Variants in SPATA13 observed in about 807,000 individuals in gnomAD.
SPATA13 encodes spermatogenesis-associated protein 13.
Under a neutral mutation model 104.0 loss-of-function variants are expected in SPATA13, and 50 were observed. The ratio of observed to expected loss-of-function variants is 0.48; its 90% CI spans 0.38 to 0.61. The LOEUF (loss-of-function observed/expected upper bound fraction) is 0.61, where lower values mean the gene tolerates loss of function less well. SPATA13 is among the 20% of genes least tolerant of loss of function. The pLI, the probability that SPATA13 is intolerant of heterozygous loss-of-function variation, is 0.00. For synonymous variants in SPATA13, 606 were observed against 667.5 expected (o/e 0.91, Z 1.42); for missense variants, 1,524 against 1,690.6 (o/e 0.90, Z 1.73).
At chr13:24,158,565 C>T (rs1882331412), upstream of SPATA13, among the ~76,000 whole-genome samples, 1 of 152,224 alleles carries the variant, frequency 6.6e-6, no homozygotes, top group Non-Finnish European at 1.5e-5. Context: ...TGAATTTTCT[C>T]TTGAGCCATC....
intron 3 of SPATA13, among the ~76,000 whole-genome samples, chr13:24,019,229 C>T (rs1876859882): frequency 6.7e-6 from 1 of 150,294 alleles, no homozygotes; most frequent in African/African-American, 2.4e-5. Flanking sequence ...GCTGGGACTA[C>T]AGGCGCCCGC....
At chr13:24,176,916 A>T (rs1271954956) in intron 1 of SPATA13, among the ~76,000 whole-genome samples, 1 of 152,098 alleles carries the variant, frequency 6.6e-6, no homozygotes, top group Non-Finnish European at 1.5e-5. Flanking sequence ...GACGTGTGCC[A>T]CCACGCGCAG....
intron 1 of SPATA13, among the ~76,000 whole-genome samples, chr13:24,170,488 A>T (rs529779823): frequency 2.7e-4 from 41 of 152,336 alleles, no homozygotes; most frequent in South Asian, 2.3e-3. Flanking sequence ...TAAATGAAGA[A>T]GGAATTGTCT....
chr13:24,054,359 G>T (rs541799303), intron 3 of SPATA13, among the ~76,000 whole-genome samples: 1 of 152,222 alleles, frequency 6.6e-6, no homozygotes, highest in Non-Finnish European at 1.5e-5. Flanking sequence ...CTCTGTCCAA[G>T]TATCCAAGTG....
At chr13:24,071,538 C>T (rs1020042572) in intron 3 of SPATA13, among the ~76,000 whole-genome samples, 3 of 152,186 alleles carry the variant, frequency 2.0e-5, no homozygotes, top group African/African-American at 7.2e-5. Context: ...TCAATCGCTT[C>T]TGTCTGGTGG....
intron 4 of SPATA13, among the ~76,000 whole-genome samples, chr13:24,282,388 G>A (rs1875610426): frequency 6.6e-6 from 1 of 152,200 alleles, no homozygotes. Flanking sequence ...AGCCCATGGA[G>A]CACCATCCCA....
chr13:24,134,339 G>C lies in SPATA13; in HGVS notation c.-111-88480G>C, dbSNP rs147198946. ...TAAGCCCTGGCCCCCTTCCCAGTGA[G>C]TAGTTATCCTCTGGAAGATTCTGGT... is the stretch of plus-strand genomic sequence containing the variant. On this transcript the variant is annotated intron_variant, in intron 3 of 14. Coordinates refer to the SPATA13 transcript ENST00000424834. 4.7e-4 allele frequency among the ~76,000 whole-genome samples: 71 copies of C among 152,292 alleles called. 1 individual carries two copies. In the East Asian group the frequency reaches 0.013, roughly 29 times the overall value.
intron 3 of SPATA13, among the ~76,000 whole-genome samples, chr13:24,099,603 G>T (rs572549414): frequency 1.9e-4 from 29 of 152,290 alleles, no homozygotes; most frequent in Admixed American, 1.4e-3. Flanking sequence ...GTCCCGGGGA[G>T]GGCCCACAGC....
intron 3 of SPATA13, among the ~76,000 whole-genome samples, chr13:24,085,028 C>A (rs895853933): frequency 6.6e-6 from 1 of 152,146 alleles, no homozygotes; most frequent in Non-Finnish European, 1.5e-5. Flanking sequence ...CCTGTGTGTT[C>A]GCAGTCGCCT....
At chr13:24,207,614 A>G (rs564451924) in intron 1 of SPATA13, among the ~76,000 whole-genome samples, 263 of 152,328 alleles carry the variant, frequency 1.7e-3, no homozygotes, top group Non-Finnish European at 3.1e-3. Context: ...TTAAGGTAAC[A>G]GGCTTCTAAA....
At chr13:24,071,870 C>G (rs17352099) in intron 3 of SPATA13, among the ~76,000 whole-genome samples, 11,815 of 152,194 alleles carry the variant, frequency 0.078, 637 homozygotes, top group East Asian at 0.15. Context: ...CAAGATGATT[C>G]TCCCCGTGTG....
chr13:24,023,974 CA>C (rs374278701), intron 3 of SPATA13, among the ~76,000 whole-genome samples: 155 of 152,312 alleles, frequency 1.0e-3, no homozygotes, highest in African/African-American at 3.5e-3. Context: ...AGTCAGTTCA[CA>C]GCAAAATCCT....
chr13:24,040,496 T>C (rs1371639765), intron 3 of SPATA13, among the ~76,000 whole-genome samples: 2 of 152,192 alleles, frequency 1.3e-5, no homozygotes, highest in Non-Finnish European at 2.9e-5. Flanking sequence ...TTTTGTGTTC[T>C]ACAGACACAC....
intron 3 of SPATA13, among the ~76,000 whole-genome samples, chr13:24,107,272 C>T (rs1440211999): frequency 1.6e-5 from 2 of 126,296 alleles, no homozygotes; most frequent in African/African-American, 2.9e-5. Context: ...AAAGCTCAAG[C>T]CTGGTTCTCC....
In SPATA13 at chr13:24,003,944, C is replaced by T. The variant is rs1876099617; in HGVS notation, c.-146-13723C>T. Among the ~76,000 whole-genome samples, 3 of 152,206 alleles carry T rather than the reference C, an allele frequency of 2.0e-5. No individual in the cohort carries two copies. In the South Asian group the frequency reaches 6.2e-4, roughly 31 times the overall value. On this transcript the variant is annotated intron_variant, in intron 2 of 14. Coordinates refer to the SPATA13 transcript ENST00000424834. ...CCTTTTCAGCCACACTCCCCCTCCT[C>T]CTGCAGCATTGTTTTGTACACTTGC... is the stretch of plus-strand genomic sequence containing the variant.
rs369897389 is a variant in SPATA13 at position 24,127,373 on chromosome 13, C to T, written c.-111-95446C>T. Among the ~76,000 whole-genome samples, 96 of 152,326 alleles carry T rather than the reference C, an allele frequency of 6.3e-4. 1 individual carries two copies. The South Asian group carries it at 0.019, about 31-fold the overall frequency. On this transcript the variant is annotated intron_variant, in intron 3 of 14. Transcript: ENST00000424834. ...CCAGCAGGGAGGAGTTGACAACCAG[C>T]GTCATTTCCTTCTCTCTCCCTCCAG...
intron 3 of SPATA13, among the ~76,000 whole-genome samples, chr13:24,018,797 C>T (rs1876830796): frequency 6.6e-6 from 1 of 152,166 alleles, no homozygotes; most frequent in African/African-American, 2.4e-5. Context: ...AATTACATTA[C>T]AGCATTTAGG....
At position 24,186,685 on chromosome 13, in the gene SPATA13, C is replaced by T. The variant is rs139979619; in HGVS notation, c.-112+25753C>T. On this transcript the variant is annotated intron_variant, in intron 1 of 12. Transcript: ENST00000382108. Reference sequence around the variant, plus strand: ...GCCAAAGCAAAGCATAACATTGTTACGGGAACATTAATTTTCTGCACAGAA... The same window carrying T: ...GCCAAAGCAAAGCATAACATTGTTATGGGAACATTAATTTTCTGCACAGAA... 2.4e-4 allele frequency among the ~76,000 whole-genome samples: 37 copies of T among 152,194 alleles called. No individual in the cohort carries two copies. In the South Asian group the frequency reaches 4.8e-3, roughly 20 times the overall value.
chr13:24,254,619 G>A (rs893305304), intron 4 of SPATA13, among the ~76,000 whole-genome samples: 1 of 152,190 alleles, frequency 6.6e-6, no homozygotes, highest in African/African-American at 2.4e-5. Flanking sequence ...CCCAGCATAA[G>A]TGGCCCTTCC....
Sources: gnomAD v4.1 joint callset for allele counts (sites outside exome capture counted in the v4.1 genomes callset) on GRCh38, gnomAD v4.1.1 for gene constraint, MANE v1.5 for transcripts, NCBI Gene and HGNC (gene_info 2026-07-23, HGNC 2026-07-21) for gene names.